IARS2: variants seen among roughly 807,000 people sequenced by gnomAD.
IARS2 encodes the protein isoleucine--tRNA ligase, mitochondrial.
A neutral mutation model predicts 126.3 loss-of-function variants in IARS2; 56 were observed. The observed-to-expected ratio is 0.44, with a 90% CI of 0.36 to 0.55. The LOEUF (loss-of-function observed/expected upper bound fraction) is 0.55. IARS2 is among the 20% of genes least tolerant of loss of function. The pLI is 0.00. For synonymous variants in IARS2, 407 were observed against 441.1 expected (o/e 0.92, Z 0.97); for missense variants, 1,127 against 1,245.9 (o/e 0.90, Z 1.44).
chr1:220,112,124 C>CTTTT (rs1279509771), intron 11 of IARS2, among the ~76,000 whole-genome samples: 9 of 114,738 alleles, frequency 7.8e-5, no homozygotes, highest in East Asian at 2.4e-4. Flanking sequence ...CGACCACCTA[C>CTTTT]TTTTTTTTTT....
chr1:220,100,482 CTT>C lies in IARS2; in HGVS notation c.391-6_391-5del. Reference sequence around the variant, plus strand: ...GTATGAATGATAATTATCATTTTATCTTTGCAGATTTTGAAAGACATAGCCAA... The same window carrying C: ...GTATGAATGATAATTATCATTTTATCTGCAGATTTTGAAAGACATAGCCAA... On this transcript the variant is annotated splice_region_variant and splice_polypyrimidine_tract_variant and intron_variant, in intron 2 of 22. Coordinates refer to ENST00000366922, the MANE Select transcript of IARS2 (RefSeq NM_018060.4). 2 of 1,588,238 alleles carry C rather than the reference CTT, an allele frequency of 1.3e-6. No individual in the cohort carries two copies. Among genetic ancestry groups the C allele is most frequent in the Non-Finnish European group, 1.7e-6 (2 of 1,166,180 alleles).
intron 17 of IARS2, 106 bp downstream of exon 17, chr1:220,138,149 G>A (rs928151652): frequency 7.8e-5 from 97 of 1,240,474 alleles, no homozygotes; most frequent in Non-Finnish European, 1.1e-4. Flanking sequence ...GAATGAAAAC[G>A]AGTTCTTCAT....
intron 14 of IARS2, among the ~76,000 whole-genome samples, chr1:220,133,635 C>T (rs899801834): frequency 1.3e-4 from 20 of 152,102 alleles, no homozygotes; most frequent in East Asian, 3.8e-4. Flanking sequence ...TCTTTATCAA[C>T]GACCTCATGT....
chr1:220,146,002 G>C (rs1366595731), intron 22 of IARS2, among the ~76,000 whole-genome samples: 1 of 152,092 alleles, frequency 6.6e-6, no homozygotes, highest in Non-Finnish European at 1.5e-5. Flanking sequence ...TACTGGCCCA[G>C]TCCTGCCCAC....
chr1:220,113,767 A>G (rs1400609439), intron 11 of IARS2, among the ~76,000 whole-genome samples: 4 of 152,062 alleles, frequency 2.6e-5, no homozygotes, highest in African/African-American at 9.7e-5. Flanking sequence ...ACCTCAGCCT[A>G]CCAAAATGCT....
chr1:220,115,732 G>T (rs1373967079), intron 12 of IARS2, among the ~76,000 whole-genome samples: 1 of 152,042 alleles, frequency 6.6e-6, no homozygotes, highest in Non-Finnish European at 1.5e-5. Context: ...TTGGAGAATG[G>T]CAACTGAATT....
At chr1:220,110,547 G>A (rs1656778956) in intron 10 of IARS2, among the ~76,000 whole-genome samples, 2 of 152,042 alleles carry the variant, frequency 1.3e-5, no homozygotes, top group South Asian at 4.1e-4. Context: ...TGCATTTTTA[G>A]TAGAGACGAG....
Position 220,094,138 on chromosome 1 carries a change from C to T in IARS2, c.-79C>T, listed in dbSNP as rs1042769946. The T allele has an allele frequency of 5.4e-6, 7 of 1,298,606 alleles. No individual in the cohort carries two copies. Among genetic ancestry groups the T allele is most frequent in the Non-Finnish European group, 7.0e-6 (7 of 1,003,812 alleles). 80.4% of individuals were successfully genotyped at this position (1,298,606 alleles called of 1,614,324 possible). A position where few individuals can be genotyped will look rare whatever the true frequency, so the allele number is the denominator to read the frequency against. The stretch of plus-strand genomic sequence containing the variant: ...GGAGCGCGTGCGCCCTCTTACTCGG[C>T]TCCCCTTGGTTTCCTGGGGTCCTGC... On this transcript the variant is annotated 5_prime_UTR_variant, in exon 1 of 23. Transcript: ENST00000366922.
In IARS2 at chr1:220,096,160, A is replaced by T; in HGVS notation, c.324A>T (p.Glu108Asp). The T allele has an allele frequency of 6.4e-7, 1 of 1,569,082 alleles. No individual in the cohort carries two copies. Among genetic ancestry groups the T allele is most frequent in the South Asian group, 1.1e-5 (1 of 88,758 alleles). Residue 108 changes from glutamate (E) to aspartate (D), a missense_variant, in exon 2 of 23, where the codon GAA (glutamate) becomes GAT (aspartate). Transcript: ENST00000366922. Reference sequence around the variant, plus strand: ...AAAGAGAAAGAAAAGTAAAGACAGAATTTTGCCTTCATGATGGACCTCCTT... The same window carrying T: ...AAAGAGAAAGAAAAGTAAAGACAGATTTTTGCCTTCATGATGGACCTCCTT... ...SWQRERKVKTEFCLHDGPPYA... is the reference protein window; with the variant it reads ...SWQRERKVKTDFCLHDGPPYA...
chr1:220,129,001 G>C (rs1657207500), intron 14 of IARS2, among the ~76,000 whole-genome samples: 1 of 151,220 alleles, frequency 6.6e-6, no homozygotes, highest in African/African-American at 2.4e-5. Context: ...TCCTGCCTCT[G>C]CCTCCTGAGT....
At chr1:220,117,869 A>G (rs1656959814) in intron 12 of IARS2, 1 of 527,994 alleles carries the variant, frequency 1.9e-6, no homozygotes, top group Non-Finnish European at 3.9e-6. Flanking sequence ...TAGCACAGTC[A>G]TACAGAATAT....
chr1:220,098,195 G>T (rs1656489407), intron 2 of IARS2, among the ~76,000 whole-genome samples: 1 of 152,120 alleles, frequency 6.6e-6, no homozygotes, highest in African/African-American at 2.4e-5. Context: ...CCAAAACAGT[G>T]GCATCTTACA....
intron 15 of IARS2, 64 bp downstream of exon 15, chr1:220,134,574 T>A: frequency 1.0e-6 from 1 of 964,894 alleles, no homozygotes; most frequent in Non-Finnish European, 1.6e-6. Context: ...CTATGCTGAG[T>A]ACTACAGAGA....
chr1:220,123,937 CTA>C (rs1201116591), intron 12 of IARS2, among the ~76,000 whole-genome samples: 2 of 152,158 alleles, frequency 1.3e-5, no homozygotes, highest in African/African-American at 2.4e-5. Flanking sequence ...AGGTATTGTT[CTA>C]TGTGTTTTAT....
At chr1:220,115,431 C>T (rs1025633813) in intron 12 of IARS2, among the ~76,000 whole-genome samples, 9 of 150,438 alleles carry the variant, frequency 6.0e-5, no homozygotes, top group East Asian at 1.9e-4. Context: ...CATGGTGGCG[C>T]GGGCCTGTAA....
At chr1:220,131,450 C>T (rs1051288223) in intron 14 of IARS2, among the ~76,000 whole-genome samples, 3 of 152,156 alleles carry the variant, frequency 2.0e-5, no homozygotes, top group Non-Finnish European at 4.4e-5. Context: ...CTCTCGGGTT[C>T]AAGCGATTCT....
intron 3 of IARS2, among the ~76,000 whole-genome samples, chr1:220,101,202 T>C (rs1656564155): frequency 1.3e-5 from 2 of 152,202 alleles, no homozygotes; most frequent in Non-Finnish European, 2.9e-5. Flanking sequence ...TGAAAATTGT[T>C]ATCTGACCTT....
At chr1:220,130,512 C>G (rs1489501661) in intron 14 of IARS2, among the ~76,000 whole-genome samples, 2 of 152,124 alleles carry the variant, frequency 1.3e-5, no homozygotes, top group South Asian at 2.1e-4. Flanking sequence ...ATTTAAGTCT[C>G]TCTTTTGAGT....
chr1:220,128,075 C>T (rs1417063851), intron 14 of IARS2, among the ~76,000 whole-genome samples: 2 of 152,152 alleles, frequency 1.3e-5, no homozygotes, highest in African/African-American at 4.8e-5. Context: ...AGGGTTCTGA[C>T]TGCACAGGTC....
Sources: allele counts gnomAD v4.1 joint callset (sites outside exome capture counted in the v4.1 genomes callset), GRCh38; gene constraint gnomAD v4.1.1; transcripts MANE v1.5; gene names NCBI Gene and HGNC (gene_info 2026-07-23, HGNC 2026-07-21).